Variants in NECAB2 observed in about 807,000 individuals in gnomAD.
The protein encoded by NECAB2 is N-terminal EF-hand calcium-binding protein 2.
NECAB2 carries 68 observed loss-of-function variants against 51.9 expected under a neutral mutation model. The ratio of observed to expected loss-of-function variants is 1.31; its 90% CI spans 1.08 to 1.60. The LOEUF (loss-of-function observed/expected upper bound fraction) is 1.60. NECAB2 is among the 40% of genes most tolerant of loss of function. NECAB2 has a pLI of 0.00. For missense variants in NECAB2, 854 were observed against 490.3 expected (o/e 1.74, Z -7.00); for synonymous variants, 329 against 203.5 (o/e 1.62, Z -5.25).
At position 84,000,911 on chromosome 16, in the gene NECAB2, C is replaced by T. The variant is rs113527816; in HGVS notation, c.1040+110C>T. On this transcript the variant is annotated intron_variant, in intron 11 of 12. Coordinates refer to ENST00000305202, the MANE Select transcript of NECAB2 (RefSeq NM_019065.3). ...GGAGGGTAAGGCCGAGTCCAGTCAG[C>T]AGATTCCCGAGGCATCTACCCGCTG... The T allele has an allele frequency of 5.6e-4, 611 of 1,084,654 alleles. 3 individuals carry two copies. In the African/African-American group the frequency reaches 8.6e-3, roughly 15 times the overall value. 67.2% of individuals were successfully genotyped at this position (1,084,654 alleles called of 1,614,324 possible). A position where few individuals can be genotyped will look rare whatever the true frequency, so the allele number is the denominator to read the frequency against.
chr16:83,997,736 G>A (rs2084734980), intron 9 of NECAB2, among the ~76,000 whole-genome samples: 2 of 151,806 alleles, frequency 1.3e-5, no homozygotes, highest in Admixed American at 6.6e-5. Flanking sequence ...CTCATGATCT[G>A]CCCACCTTGG....
rs751914827 is a variant in NECAB2 at position 83,991,023 on chromosome 16, T to C, written c.596+393T>C. ...GTTTTAGACAAAAAGTGTCGCTCTG[T>C]CGCCCAGGAGTGCAGTGGCGTGATT... is the stretch of plus-strand genomic sequence containing the variant. On this transcript the variant is annotated intron_variant, in intron 6 of 12. Coordinates refer to ENST00000305202, the MANE Select transcript of NECAB2 (RefSeq NM_019065.3). Among the ~76,000 whole-genome samples, 42 of 152,176 alleles carry C rather than the reference T, an allele frequency of 2.8e-4. 1 individual carries two copies. The highest frequency in any genetic ancestry group is 4.3e-4 in the Non-Finnish European group (29 of 68,044).
At position 84,002,683 on chromosome 16, in the gene NECAB2, C is replaced by G. The variant is rs1408108726; in HGVS notation, c.*337C>G. The G allele has an allele frequency of 1.3e-5, 5 of 392,574 alleles. No homozygotes were observed. The highest frequency in any genetic ancestry group is 2.4e-5 in the Non-Finnish European group (5 of 210,592). 24.3% of individuals were successfully genotyped at this position (392,574 alleles called of 1,614,324 possible). On this transcript the variant is annotated 3_prime_UTR_variant, in exon 13 of 13. Coordinates refer to ENST00000305202, the MANE Select transcript of NECAB2 (RefSeq NM_019065.3). ...ACACCCTGCCCTCTTCGGTGACATT[C>G]TTCTACCTAGTAGGAGTCATGCCCC...
chr16:83,980,608 C>G (rs2084473912), intron 3 of NECAB2, among the ~76,000 whole-genome samples: 1 of 152,126 alleles, frequency 6.6e-6, no homozygotes, highest in Non-Finnish European at 1.5e-5. Flanking sequence ...GGTCAGCAGA[C>G]TCCGAGAAAA....
At position 84,002,313 on chromosome 16, in the gene NECAB2, T is replaced by C. The variant is rs781768392; in HGVS notation, c.1133-5T>C. On this transcript the variant is annotated splice_region_variant and splice_polypyrimidine_tract_variant and intron_variant, in intron 12 of 12. Transcript: ENST00000305202. ...CTTCCCTCTAACGTGTCTCTCTCCT[T>C]TTAGCTGCTTGGTGCACGGTGGGAC... The C allele has an allele frequency of 4.3e-6, 7 of 1,613,668 alleles. No homozygotes were observed. In the African/African-American group the frequency reaches 6.7e-5, roughly 15 times the overall value.
At position 83,981,833 on chromosome 16, in the gene NECAB2, A is replaced by G. The variant is rs1294391622; in HGVS notation, c.459+706A>G. Among the ~76,000 whole-genome samples, 3 of 152,314 alleles carry G rather than the reference A, an allele frequency of 2.0e-5. No individual in the cohort carries two copies. In the East Asian group the frequency reaches 5.8e-4, roughly 29 times the overall value. Reference sequence around the variant, plus strand: ...GGCCCACGGTGAGGGAACTGGGAGCATGCAAGGGTGAGGGACCCACAGGTG... The same window carrying G: ...GGCCCACGGTGAGGGAACTGGGAGCGTGCAAGGGTGAGGGACCCACAGGTG... On this transcript the variant is annotated intron_variant, in intron 5 of 12. Coordinates refer to ENST00000305202, the MANE Select transcript of NECAB2 (RefSeq NM_019065.3).
At chr16:83,975,359 A>G (rs573792239) in intron 2 of NECAB2, among the ~76,000 whole-genome samples, 9 of 151,886 alleles carry the variant, frequency 5.9e-5, no homozygotes, top group South Asian at 2.1e-4. Context: ...TGCAGGGATG[A>G]GAACAGGTGT....
intron 5 of NECAB2, among the ~76,000 whole-genome samples, chr16:83,983,253 T>C (rs1471379570): frequency 6.6e-6 from 1 of 152,224 alleles, no homozygotes; most frequent in Non-Finnish European, 1.5e-5. Context: ...TTGTATGTGC[T>C]GTTTGCTTTC....
intron 6 of NECAB2, 23 bp downstream of exon 6, chr16:83,990,653 G>C (rs767891357): frequency 5.0e-5 from 81 of 1,613,030 alleles, no homozygotes; most frequent in Non-Finnish European, 6.8e-5. Flanking sequence ...GACCCTGCAG[G>C]GTCCCATGGG....
Position 83,971,980 on chromosome 16 carries a change from C to T in NECAB2, c.202-171C>T, listed in dbSNP as rs573752232. The T allele has an allele frequency of 2.4e-4, 200 of 829,672 alleles. 1 individual carries two copies. In the African/African-American group the frequency reaches 2.6e-3, roughly 11 times the overall value. The allele number at this position is 829,672 out of a possible 1,614,324, so 51.4% of individuals were successfully genotyped here. A position where few individuals can be genotyped will look rare whatever the true frequency, so the allele number is the denominator to read the frequency against. ...GGCCTCTGTCTGCAACATCCCTCATCAGTTCCCCCTGGATCCCAGCCCGGG... is the reference window on the plus strand; with the variant it reads ...GGCCTCTGTCTGCAACATCCCTCATTAGTTCCCCCTGGATCCCAGCCCGGG... On this transcript the variant is annotated intron_variant, in intron 1 of 12. Coordinates refer to ENST00000305202, the MANE Select transcript of NECAB2 (RefSeq NM_019065.3).
intron 6 of NECAB2, among the ~76,000 whole-genome samples, chr16:83,992,840 G>C (rs948637736): frequency 6.6e-6 from 1 of 152,196 alleles, no homozygotes; most frequent in African/African-American, 2.4e-5. Context: ...AGAATTAGCA[G>C]CCATCGCTGT....
At position 83,998,535 on chromosome 16, in the gene NECAB2, C is replaced by T. The variant is rs142516911; in HGVS notation, c.962+218C>T. ...TTCATCTCCCTGGCATCAGCTTACTCATCTGTAAAGGGGGGACCACCCCCA... is the reference window on the plus strand; with the variant it reads ...TTCATCTCCCTGGCATCAGCTTACTTATCTGTAAAGGGGGGACCACCCCCA... On this transcript the variant is annotated intron_variant, in intron 10 of 12. Transcript: ENST00000305202. Among the ~76,000 whole-genome samples, 517 of 152,268 alleles carry T rather than the reference C, an allele frequency of 3.4e-3. 3 individuals are homozygous for T. Among genetic ancestry groups the T allele is most frequent in the African/African-American group, 0.011 (456 of 41,548 alleles).
intron 4 of NECAB2, 35 bp from the exon 5 acceptor site, chr16:83,980,995 C>T (rs761487870): frequency 1.9e-6 from 3 of 1,607,904 alleles, no homozygotes; most frequent in South Asian, 2.2e-5. Context: ...AGGGGCAGGA[C>T]CTGTGACCCC....
At position 84,001,533 on chromosome 16, in the gene NECAB2, G is replaced by T. The variant is rs76492303; in HGVS notation, c.1041-292G>T. On this transcript the variant is annotated intron_variant, in intron 11 of 12. Transcript: ENST00000305202. ...GTGTTGTCATGGGTCCCAGGCAGAG[G>T]ATGGCCCCACTCCTCCTGCTAGGGT... 9.1e-4 allele frequency among the ~76,000 whole-genome samples: 139 copies of T among 152,272 alleles called. 1 individual carries two copies. The highest frequency in any genetic ancestry group is 1.7e-3 in the Non-Finnish European group (115 of 68,018).
chr16:83,976,754 C>G (rs574640912), intron 2 of NECAB2, among the ~76,000 whole-genome samples: 1 of 152,154 alleles, frequency 6.6e-6, no homozygotes, highest in African/African-American at 2.4e-5. Flanking sequence ...CGTTCATATT[C>G]TTTACCGGTC....
intron 5 of NECAB2, among the ~76,000 whole-genome samples, chr16:83,983,329 C>T (rs1473963955): frequency 6.6e-6 from 1 of 152,172 alleles, no homozygotes; most frequent in African/African-American, 2.4e-5. Context: ...GCCCCTCTTG[C>T]TTCCCTGTCT....
At chr16:83,970,122 C>T (rs1597190960) in intron 1 of NECAB2, among the ~76,000 whole-genome samples, 1 of 152,220 alleles carries the variant, frequency 6.6e-6, no homozygotes, top group Non-Finnish European at 1.5e-5. Context: ...CAGCCCCAAG[C>T]TGCCCTGCAT....
chr16:83,976,909 C>T (rs553403918), intron 2 of NECAB2, among the ~76,000 whole-genome samples: 1 of 152,380 alleles, frequency 6.6e-6, no homozygotes, highest in African/African-American at 2.4e-5. Flanking sequence ...GACAGAAGCA[C>T]TGGAGCCTTT....
chr16:83,994,117 C>A (rs1004260281), intron 6 of NECAB2, among the ~76,000 whole-genome samples, 185 bp from the exon 7 acceptor site: 1 of 152,204 alleles, frequency 6.6e-6, no homozygotes, highest in Non-Finnish European at 1.5e-5. Flanking sequence ...AGCTGCGTGG[C>A]CCTGGCTGAG....
Sources: allele counts gnomAD v4.1 joint callset (sites outside exome capture counted in the v4.1 genomes callset), GRCh38; gene constraint gnomAD v4.1.1; transcripts MANE v1.5; gene names NCBI Gene and HGNC (gene_info 2026-07-23, HGNC 2026-07-21).